FXYD5: variants seen among roughly 807,000 people sequenced by gnomAD.
FXYD5 encodes FXYD domain containing ion transport regulator 5.
FXYD5 carries 21 observed loss-of-function variants against 25.7 expected under a neutral mutation model. That is an observed-to-expected ratio of 0.82 (90% CI 0.58 to 1.18). FXYD5 has a LOEUF of 1.18. Ranked by LOEUF, FXYD5 falls within the 50% of genes most tolerant of loss-of-function variation. The pLI is 0.00. For missense variants in FXYD5, 229 were observed against 227.7 expected, an observed-to-expected ratio of 1.01 and a Z score of -0.04; for synonymous variants, 101 against 90.7, an observed-to-expected ratio of 1.11 and a Z score of -0.64.
At chr19:35,164,838 A>G (rs2065437138) in intron 6 of FXYD5, among the ~76,000 whole-genome samples, 1 of 152,226 alleles carries the variant, frequency 6.6e-6, no homozygotes, top group African/African-American at 2.4e-5. Flanking sequence ...CTACTATTCT[A>G]GTGGTAAGAG....
At position 35,166,155 on chromosome 19, in the gene FXYD5, T is replaced by A. The variant is rs757433866; in HGVS notation, c.396T>A (p.Asp132Glu). 1.9e-6 allele frequency: 3 copies of A among 1,614,070 alleles called. No individual in the cohort carries two copies. The highest frequency in any genetic ancestry group is 2.2e-5 in the East Asian group (1 of 44,886). The change falls in exon 7 of 9, where the codon GAT becomes GAA. Residue 132 changes from aspartate (D) to glutamate (E), a missense_variant. Coordinates refer to ENST00000392219, the MANE Select transcript of FXYD5 (RefSeq NM_014164.6). ...CTGCCTCTCCAGGTTTTCATGAGGATGACCCCTTCTTCTATGGTAAGTTAT... is the reference window on the plus strand; with the variant it reads ...CTGCCTCTCCAGGTTTTCATGAGGAAGACCCCTTCTTCTATGGTAAGTTAT... ...QTLKPSGFHE[D>E]DPFFYDEHTL...
intron 5 of FXYD5, among the ~76,000 whole-genome samples, chr19:35,161,623 A>T (rs1356057739): frequency 1.3e-5 from 2 of 152,238 alleles, no homozygotes; most frequent in African/African-American, 4.8e-5. Flanking sequence ...AGGCTCAGCC[A>T]GCCATGCCTG....
chr19:35,159,468 C>T, intron 4 of FXYD5: 1 of 1,545,102 alleles, frequency 6.5e-7, no homozygotes, highest in African/African-American at 1.4e-5. Flanking sequence ...TCTCACATCA[C>T]TGCATAAAGA....
chr19:35,169,814 C>T lies in FXYD5; in HGVS notation c.*199C>T, dbSNP rs193021834. The T allele has an allele frequency of 1.5e-4, 87 of 587,416 alleles. 2 individuals carry two copies. The highest frequency in any genetic ancestry group is 1.3e-3 in the South Asian group (64 of 49,698). 36.4% of individuals were successfully genotyped at this position (587,416 alleles called of 1,614,324 possible). Reference sequence around the variant, plus strand: ...CTGCCCGCCCCTGAAGGCTACCTGGCGCCTTGGGGGCTGTCCCTCAAGTTA... The same window carrying T: ...CTGCCCGCCCCTGAAGGCTACCTGGTGCCTTGGGGGCTGTCCCTCAAGTTA... On this transcript the variant is annotated 3_prime_UTR_variant, in exon 9 of 9. Transcript: ENST00000392219.
chr19:35,159,652 TACTG>T (rs1202089897), intron 4 of FXYD5: 1 of 1,546,844 alleles, frequency 6.5e-7, no homozygotes, highest in Non-Finnish European at 8.7e-7. Context: ...TTGGAATATG[TACTG>T]ACTATGTGCT....
intron 2 of FXYD5, 76 bp from the exon 3 acceptor site, chr19:35,157,345 C>A: frequency 2.6e-6 from 2 of 762,250 alleles, no homozygotes; most frequent in South Asian, 1.5e-5. Flanking sequence ...TAAGGTTTCA[C>A]CAGGGAGGCG....
intron 8 of FXYD5, among the ~76,000 whole-genome samples, chr19:35,168,995 G>A (rs751589201): frequency 1.7e-4 from 26 of 151,992 alleles, no homozygotes; most frequent in Admixed American, 4.6e-4. Context: ...TCCAGGAGGT[G>A]GGGGTTGCAG....
chr19:35,163,969 T>TGC (rs2065428254), intron 5 of FXYD5, 187 bp from the exon 6 acceptor site: 1 of 1,471,262 alleles, frequency 6.8e-7, no homozygotes, highest in Non-Finnish European at 9.0e-7. Flanking sequence ...ATGTGCTTAT[T>TGC]TCAGCATTTC....
At chr19:35,158,192 C>T (rs1003473814) in intron 3 of FXYD5, 152 bp from the exon 4 acceptor site, 114 of 645,772 alleles carry the variant, frequency 1.8e-4, no homozygotes, top group African/African-American at 2.5e-4. Context: ...TTACACATTT[C>T]GGCAGTTAGC....
intron 4 of FXYD5, chr19:35,159,925 G>A (rs892276231): frequency 4.7e-5 from 13 of 274,966 alleles, no homozygotes; most frequent in South Asian, 2.9e-4. Context: ...CCCTCCTGCC[G>A]CCCAGGCACA....
chr19:35,169,598 C>T lies in FXYD5; in HGVS notation c.520C>T (p.Arg174Trp), dbSNP rs202199564. The T allele has an allele frequency of 3.8e-5, 61 of 1,611,118 alleles. No homozygotes were observed. The highest frequency in any genetic ancestry group is 1.7e-4 in the Middle Eastern group (1 of 6,052). The change falls in exon 9 of 9, where the codon CGG becomes TGG. Residue 174 changes from arginine (R) to tryptophan (W), a missense_variant. Arg to Trp is a moderately radical substitution (Grantham distance 101, BLOSUM62 -3). Coordinates refer to ENST00000392219, the MANE Select transcript of FXYD5 (RefSeq NM_014164.6). ...GKCRQLSRLCRNRCR is the reference protein window; with the variant it reads ...GKCRQLSRLCWNRCR ...GTGCAGGCAGCTGTCCCGGTTATGCCGGAATCGTTGCAGGTGAGTCCATCA... is the reference window on the plus strand; with the variant it reads ...GTGCAGGCAGCTGTCCCGGTTATGCTGGAATCGTTGCAGGTGAGTCCATCA...
intron 6 of FXYD5, 37 bp from the exon 7 acceptor site, chr19:35,166,105 T>G (rs2065447860): frequency 6.2e-7 from 1 of 1,610,674 alleles, no homozygotes; most frequent in African/African-American, 1.3e-5. Context: ...CACAAACCTT[T>G]GCTGAACCCT....
chr19:35,163,594 G>A (rs1441047498), intron 5 of FXYD5, among the ~76,000 whole-genome samples: 4 of 152,014 alleles, frequency 2.6e-5, no homozygotes, highest in African/African-American at 7.2e-5. Context: ...CAATTCTCCT[G>A]CCTCAGCCTC....
chr19:35,165,990 G>A (rs2065446760), intron 6 of FXYD5, 152 bp from the exon 7 acceptor site: 3 of 745,596 alleles, frequency 4.0e-6, no homozygotes, highest in Non-Finnish European at 7.3e-6. Context: ...TGAGATTAGA[G>A]GAATAATGGG....
intron 4 of FXYD5, among the ~76,000 whole-genome samples, chr19:35,160,408 G>C (rs1802572591): frequency 6.6e-6 from 1 of 152,018 alleles, no homozygotes; most frequent in Non-Finnish European, 1.5e-5. Context: ...GCTGTGCAAT[G>C]GTGCAATCTC....
intron 5 of FXYD5, among the ~76,000 whole-genome samples, chr19:35,163,133 A>C (rs2065420026): frequency 6.6e-6 from 1 of 152,252 alleles, no homozygotes; most frequent in South Asian, 2.1e-4. Flanking sequence ...CCCAGGGTGC[A>C]TGAGCACCAC....
At chr19:35,158,912 A>T (rs2065380963) in intron 4 of FXYD5, among the ~76,000 whole-genome samples, 1 of 152,064 alleles carries the variant, frequency 6.6e-6, no homozygotes. Context: ...GGATCACTTG[A>T]GCTCAGGAGT....
chr19:35,167,473 C>T (rs907723365), intron 8 of FXYD5, among the ~76,000 whole-genome samples: 2 of 152,158 alleles, frequency 1.3e-5, no homozygotes, highest in Non-Finnish European at 2.9e-5. Context: ...CTGTCTCCTG[C>T]CAATGCTTAA....
At chr19:35,159,891 G>A (rs2065389605) in intron 4 of FXYD5, 1 of 409,190 alleles carries the variant, frequency 2.4e-6, no homozygotes, top group Non-Finnish European at 4.3e-6. Flanking sequence ...CAAAGGACAT[G>A]CATGCTTAAT....
Sources: allele counts gnomAD v4.1 joint callset (sites outside exome capture counted in the v4.1 genomes callset), GRCh38; gene constraint gnomAD v4.1.1; transcripts MANE v1.5; gene names NCBI Gene and HGNC (gene_info 2026-07-23, HGNC 2026-07-21).